Variants in RAB20 observed in about 807,000 individuals in gnomAD.
RAB20 encodes the protein ras-related protein Rab-20.
RAB20 carries 2 observed loss-of-function variants against 3.7 expected under a neutral mutation model. That is an observed-to-expected ratio of 0.54 (90% confidence interval 0.22 to 1.69). The LOEUF is 1.69. Ranked by LOEUF, RAB20 falls within the 40% of genes most tolerant of loss-of-function variation. The pLI, the probability that RAB20 is intolerant of heterozygous loss-of-function variation, is 0.19. For missense variants in RAB20, 276 were observed against 311.9 expected, an observed-to-expected ratio of 0.88 and a Z score of 0.87; for synonymous variants, 126 against 130.8, an observed-to-expected ratio of 0.96 and a Z score of 0.25.
At chr13:110,545,414 A>G (rs1884834769) in intron 1 of RAB20, among the ~76,000 whole-genome samples, 1 of 152,234 alleles carries the variant, frequency 6.6e-6, no homozygotes, top group Admixed American at 6.5e-5. Context: ...TCTTCCTCAC[A>G]GCAAGTGTTA....
chr13:110,559,901 C>T (rs756441327), intron 1 of RAB20, among the ~76,000 whole-genome samples: 1 of 152,160 alleles, frequency 6.6e-6, no homozygotes, highest in Non-Finnish European at 1.5e-5. Flanking sequence ...AGTCTGCCTC[C>T]AACGGTGGCC....
intron 1 of RAB20, among the ~76,000 whole-genome samples, chr13:110,551,711 G>C (rs369178547): frequency 8.5e-5 from 13 of 152,158 alleles, no homozygotes; most frequent in African/African-American, 2.9e-4. Flanking sequence ...GTGTATGTTT[G>C]TACAAAATTT....
At chr13:110,549,165 G>A (rs1221405857) in intron 1 of RAB20, among the ~76,000 whole-genome samples, 1 of 152,242 alleles carries the variant, frequency 6.6e-6, no homozygotes, top group Non-Finnish European at 1.5e-5. Flanking sequence ...AACATCTTGT[G>A]AGTCCACAAA....
At chr13:110,537,790 G>A (rs895731153) in intron 1 of RAB20, among the ~76,000 whole-genome samples, 2 of 152,042 alleles carry the variant, frequency 1.3e-5, no homozygotes, top group African/African-American at 4.8e-5. Flanking sequence ...GACCCTGCGG[G>A]GCTCAGTGCA....
In RAB20 at chr13:110,523,736, T is replaced by A. The variant is rs1243821026; in HGVS notation, c.634A>T (p.Arg212Trp). The A allele has an allele frequency of 6.2e-7, 1 of 1,614,074 alleles. No individual in the cohort carries two copies. The highest frequency in any genetic ancestry group is 8.5e-7 in the Non-Finnish European group (1 of 1,180,046). The change falls in exon 2 of 2, where the codon AGG becomes TGG. Residue 212 changes from arginine to tryptophan, a missense_variant. Transcript: ENST00000267328. ...VPMILQQRAE[R>W]PSHTVDISSH... ...GATATATCCACTGTGTGTGACGGCC[T>A]CTCAGCTCTCTGCTGTAAGATCATT...
chr13:110,538,157 T>G (rs2139580383), intron 1 of RAB20, among the ~76,000 whole-genome samples: 1 of 150,366 alleles, frequency 6.7e-6, no homozygotes, highest in South Asian at 2.1e-4. Flanking sequence ...GAGGATCACT[T>G]GAGCCTGGGA....
intron 1 of RAB20, among the ~76,000 whole-genome samples, chr13:110,536,905 A>T (rs909455144): frequency 1.4e-5 from 2 of 145,202 alleles, no homozygotes; most frequent in Admixed American, 6.9e-5. Context: ...CATTAGGTAT[A>T]TCTCCTAATG....
intron 1 of RAB20, among the ~76,000 whole-genome samples, chr13:110,549,924 A>C (rs1884923107): frequency 6.6e-6 from 1 of 152,022 alleles, no homozygotes; most frequent in South Asian, 2.1e-4. Flanking sequence ...GAGTCTCGCC[A>C]TGTTGGCCGG....
intron 1 of RAB20, among the ~76,000 whole-genome samples, chr13:110,557,869 T>A (rs1348740113): frequency 1.3e-5 from 2 of 152,258 alleles, no homozygotes; most frequent in Non-Finnish European, 2.9e-5. Flanking sequence ...GCATTCTGTC[T>A]CCAGGGCTCT....
intron 1 of RAB20, among the ~76,000 whole-genome samples, chr13:110,531,515 C>T (rs938498648): frequency 6.6e-6 from 1 of 152,228 alleles, no homozygotes. Flanking sequence ...CTTAGACATG[C>T]GGTACCTCAG....
chr13:110,529,916 A>ACACATACAG (rs1884501035), intron 1 of RAB20, among the ~76,000 whole-genome samples: 1 of 152,194 alleles, frequency 6.6e-6, no homozygotes, highest in Admixed American at 6.5e-5. Context: ...TATGTCACCA[A>ACACATACAG]CACATACAGA....
At chr13:110,550,778 G>C (rs901232771) in intron 1 of RAB20, among the ~76,000 whole-genome samples, 1 of 152,066 alleles carries the variant, frequency 6.6e-6, no homozygotes, top group African/African-American at 2.4e-5. Context: ...GTAATTAGAG[G>C]GAAGAGTAGG....
intron 1 of RAB20, among the ~76,000 whole-genome samples, chr13:110,527,386 C>T (rs1022118541): frequency 9.9e-5 from 15 of 152,124 alleles, no homozygotes; most frequent in Admixed American, 2.6e-4. Flanking sequence ...TCAGCAAAGC[C>T]GACAGTGTGC....
chr13:110,558,500 CA>C (rs2139592559), intron 1 of RAB20, among the ~76,000 whole-genome samples: 1 of 151,488 alleles, frequency 6.6e-6, no homozygotes, highest in East Asian at 1.9e-4. Flanking sequence ...TCTCCTGCCA[CA>C]GCCTCCCAAG....
chr13:110,541,840 A>ACACT (rs896109435), intron 1 of RAB20, among the ~76,000 whole-genome samples: 6 of 149,606 alleles, frequency 4.0e-5, no homozygotes, highest in East Asian at 3.9e-4. Flanking sequence ...ACACACACAC[A>ACACT]CTCTCACATA....
At chr13:110,552,728 TAAATAAA>T (rs1227267799) in intron 1 of RAB20, among the ~76,000 whole-genome samples, 38 of 120,668 alleles carry the variant, frequency 3.1e-4, no homozygotes, top group African/African-American at 1.0e-3. Context: ...AATAAATAAA[TAAATAAA>T]AATTTCTATT....
chr13:110,547,173 G>A (rs1448967160), intron 1 of RAB20, among the ~76,000 whole-genome samples: 5 of 152,296 alleles, frequency 3.3e-5, no homozygotes, highest in South Asian at 2.1e-4. Flanking sequence ...TCTACACGGC[G>A]CCTCCTCTAA....
rs151113738 is a variant in RAB20 at position 110,552,780 on chromosome 13, T to C, written c.172+8568A>G. Among the ~76,000 whole-genome samples the C allele has an allele frequency of 9.0e-4, 137 of 152,242 alleles. No homozygotes were observed. In the East Asian group the frequency reaches 0.023, roughly 25 times the overall value. ...AGCTTAAAGATAACAAAGCATGAAA[T>C]TGTCTCCCAAAGGCATTCAGTGTGA... is the stretch of plus-strand genomic sequence containing the variant. On this transcript the variant is annotated intron_variant, in intron 1 of 1. Transcript: ENST00000267328.
In RAB20 at chr13:110,524,172, G is replaced by A. The variant is rs375814; in HGVS notation, c.198C>T (p.Gly66=). 12 of 1,599,628 alleles carry A rather than the reference G, an allele frequency of 7.5e-6. No homozygotes were observed. In the Admixed American group the frequency reaches 1.0e-4, roughly 13 times the overall value. ...CGGCCGCCCCCCGGCAGTACATGGA[G>A]CCCAGGCCGTGGAACTGCTCCCGCC... ...TAGREQFHGL[G]SMYCRGAAAI... Residue 66 remains glycine (G), a synonymous_variant, in exon 2 of 2, where the codon GGC becomes GGT. Coordinates refer to ENST00000267328, the MANE Select transcript of RAB20 (RefSeq NM_017817.3).
Sources: allele counts gnomAD v4.1 joint callset (sites outside exome capture counted in the v4.1 genomes callset), GRCh38; gene constraint gnomAD v4.1.1; transcripts MANE v1.5; gene names NCBI Gene and HGNC (gene_info 2026-07-23, HGNC 2026-07-21).